The following CTC1 variants were observed in gnomAD, a reference collection of about 807,000 sequenced individuals.
CTC1 encodes CST telomere replication complex component 1.
In CTC1, 91 loss-of-function variants were observed where a neutral mutation model predicts 136.3. The ratio of observed to expected loss-of-function variants is 0.67; its 90% CI spans 0.56 to 0.79. CTC1 has a LOEUF of 0.79. Ranked by LOEUF, CTC1 falls within the 30% of genes least tolerant of loss-of-function variation. The probability of loss-of-function intolerance (pLI) is 0.00; values close to 1 mark genes in which losing one functional copy is unlikely to be tolerated. For synonymous variants in CTC1, 606 were observed against 613.8 expected (o/e 0.99, Z 0.19); for missense variants, 1,432 against 1,498.1 (o/e 0.96, Z 0.73).
chr17:8,246,635 C>T (rs1299822139), intron 1 of CTC1, among the ~76,000 whole-genome samples: 1 of 152,086 alleles, frequency 6.6e-6, no homozygotes, highest in African/African-American at 2.4e-5. Flanking sequence ...GCCTGTAATC[C>T]CAGCAGTTTC....
At chr17:8,247,882 C>T (rs1199230396) in intron 1 of CTC1, 122 bp downstream of exon 1, 11 of 966,148 alleles carry the variant, frequency 1.1e-5, no homozygotes, top group Admixed American at 4.1e-5. Flanking sequence ...CTCACAACCC[C>T]CTCACCCATG....
At chr17:8,243,652 G>A (rs995191724) in intron 1 of CTC1, among the ~76,000 whole-genome samples, 1 of 152,202 alleles carries the variant, frequency 6.6e-6, no homozygotes, top group African/African-American at 2.4e-5. Flanking sequence ...TCCAGCTTTG[G>A]TCTTGCCCCT....
chr17:8,247,987 G>T lies in CTC1; in HGVS notation c.33+17C>A, dbSNP rs1988911087. ...AAACAAGAAAAAAGGAACAAGAGAC[G>T]TAATAGCAGCACTCACGGAGGAAGG... On this transcript the variant is annotated intron_variant, in intron 1 of 22. Transcript: ENST00000651323. 6 of 1,557,846 alleles carry T rather than the reference G, an allele frequency of 3.9e-6. No individual in the cohort carries two copies. The highest frequency in any genetic ancestry group is 5.2e-6 in the Non-Finnish European group (6 of 1,142,866).
chr17:8,247,305 CTTT>C lies in CTC1; in HGVS notation c.33+696_33+698del, dbSNP rs772948223. ...TTCCGTCCTGAAACCCCTTCCGGCG[CTTT>C]TTTTTTTTTTTTTTTTTTTTTGACA... On this transcript the variant is annotated intron_variant, in intron 1 of 22. Coordinates refer to ENST00000651323, the MANE Select transcript of CTC1 (RefSeq NM_025099.6). 5.5e-3 allele frequency among the ~76,000 whole-genome samples: 497 copies of C among 91,184 alleles called. 2 individuals are homozygous for C. Among genetic ancestry groups the C allele is most frequent in the African/African-American group, 0.019 (403 of 20,950 alleles). The allele number at this position is 91,184 out of a possible 152,430, so 59.8% of individuals were successfully genotyped here. A position where few individuals can be genotyped will look rare whatever the true frequency, so the allele number is the denominator to read the frequency against.
chr17:8,241,664 C>A, intron 2 of CTC1, among the ~76,000 whole-genome samples: 1 of 150,450 alleles, frequency 6.6e-6, no homozygotes, highest in Non-Finnish European at 1.5e-5. Flanking sequence ...AATGCCAACA[C>A]CTTGGGAGGC....
In CTC1 at chr17:8,228,615, A is replaced by G. The variant is rs1262003575; in HGVS notation, c.3402T>C (p.Val1134=). The G allele has an allele frequency of 6.2e-7, 1 of 1,614,050 alleles. No individual in the cohort carries two copies. Among genetic ancestry groups the G allele is most frequent in the African/African-American group, 1.3e-5 (1 of 74,922 alleles). Residue 1134 remains valine, a synonymous_variant, in exon 22 of 23, where the codon GTT becomes GTC. Transcript: ENST00000651323. ...PGAQLESSAR[V]DEPMTMFLWT... ...AGAGGAACATGGTCATGGGCTCGTC[A>G]ACCCTGGCTGAAGACTAGAAAGAGA...
intron 2 of CTC1, 139 bp downstream of exon 2, chr17:8,242,846 G>A (rs1988385251): frequency 3.2e-5 from 19 of 598,206 alleles, no homozygotes; most frequent in Non-Finnish European, 4.5e-5. Flanking sequence ...GAAAAGCTCT[G>A]CAGAAGGGGT....
In CTC1 at chr17:8,234,568, G is replaced by A. The variant is rs1453459524; in HGVS notation, c.1705C>T (p.Pro569Ser). The change falls in exon 10 of 23, where the codon CCT (proline) becomes TCT (serine). Residue 569 changes from proline to serine, a missense_variant. Transcript: ENST00000651323. ...TCCGGGAGGGGCAGAAGGGCCTTAG[G>A]GTCAAAGGAGGCCCAGGCCTTACGC... ...GQRKAWASFD[P>S]KALLPLPEAS... is the part of the protein sequence containing the mutation. 1.3e-6 allele frequency: 2 copies of A among 1,599,120 alleles called. No individual in the cohort carries two copies. Among genetic ancestry groups the A allele is most frequent in the African/African-American group, 2.7e-5 (2 of 74,786 alleles).
chr17:8,231,966 C>T lies in CTC1; in HGVS notation c.2322G>A (p.Gln774=), dbSNP rs1339211493. Residue 774 remains glutamine (Q), a synonymous_variant, in exon 13 of 23, where the codon CAG becomes CAA. Transcript: ENST00000651323. ...GCCCCCATCCAGTACCCTCCTTCCT[C>T]TGGGTGCCCCCAAGCCAGCTCCCCA... ...YVLGSWLGGT[Q]RKEGTGWGLP... The T allele has an allele frequency of 6.2e-7, 1 of 1,612,218 alleles. No homozygotes were observed.
intron 14 of CTC1, 68 bp downstream of exon 14, chr17:8,231,658 A>G (rs1804126852): frequency 7.0e-7 from 1 of 1,438,654 alleles, no homozygotes; most frequent in Non-Finnish European, 9.8e-7. Flanking sequence ...AGGCACTGGC[A>G]TGCCCTCTTT....
Position 8,226,706 on chromosome 17 carries a change from C to T in CTC1, c.*1474G>A, listed in dbSNP as rs78517666. 9,571 of 152,238 alleles carry T rather than the reference C, an allele frequency of 0.063. 407 individuals are homozygous for T. Among genetic ancestry groups the T allele is most frequent in the Non-Finnish European group, 0.097 (6,581 of 68,002 alleles). The allele number at this position is 152,238 out of a possible 1,614,324, so 9.4% of individuals were successfully genotyped here. The stretch of plus-strand genomic sequence containing the variant: ...GCCACGACTACGAGGCTTAGGGCTT[C>T]GTTTTCATCCAATGCCTTTCTTACT... On this transcript the variant is annotated 3_prime_UTR_variant, in exon 23 of 23. Transcript: ENST00000651323.
At chr17:8,228,938 T>C in intron 20 of CTC1, 46 bp from the exon 21 acceptor site, 1 of 1,575,110 alleles carries the variant, frequency 6.3e-7, no homozygotes, top group Non-Finnish European at 8.6e-7. Flanking sequence ...CAACCCAGGT[T>C]GCCAACACCC....
In CTC1 at chr17:8,230,451, T is replaced by C. The variant is rs1987118319; in HGVS notation, c.2776A>G (p.Arg926Gly). ...WMKLGNTGAM[R>G]RCVKLTVALE... ...GCGACTGTTAGCTTCACACACCTTC[T>C]CATGGCCCCCGTGTTCCCTATAGAA... The change falls in exon 17 of 23, where the codon AGA becomes GGA. Residue 926 changes from arginine (R) to glycine (G), a missense_variant. Arg to Gly is a moderately radical substitution (Grantham distance 125). Coordinates refer to ENST00000651323, the MANE Select transcript of CTC1 (RefSeq NM_025099.6). 6.2e-7 allele frequency: 1 copy of C among 1,613,922 alleles called. No homozygotes were observed. Among genetic ancestry groups the C allele is most frequent in the Admixed American group, 1.7e-5 (1 of 59,986 alleles).
At chr17:8,242,253 G>C (rs73244879) in intron 2 of CTC1, among the ~76,000 whole-genome samples, 2 of 151,752 alleles carry the variant, frequency 1.3e-5, no homozygotes, top group Non-Finnish European at 2.9e-5. Flanking sequence ...GGCTGACCTC[G>C]AACTGCCGAC....
At chr17:8,233,155 C>T (rs765162632) in intron 10 of CTC1, 123 bp from the exon 11 acceptor site, 40 of 1,035,068 alleles carry the variant, frequency 3.9e-5, no homozygotes, top group Non-Finnish European at 5.4e-5. Context: ...ACGTCTCTGG[C>T]TTCAAAAAAC....
intron 17 of CTC1, 119 bp from the exon 18 acceptor site, chr17:8,230,087 C>T (rs1199432591): frequency 1.9e-6 from 2 of 1,054,380 alleles, no homozygotes; most frequent in Non-Finnish European, 2.9e-6. Flanking sequence ...ATATCCTAGC[C>T]ATGGCTCTAC....
At chr17:8,231,016 C>A in intron 15 of CTC1, 2 of 495,386 alleles carry the variant, frequency 4.0e-6, no homozygotes, top group Non-Finnish European at 7.1e-6. Context: ...GCGTGCACCC[C>A]TATAATCCCA....
chr17:8,246,121 G>A (rs899575669), intron 1 of CTC1, among the ~76,000 whole-genome samples: 9 of 150,310 alleles, frequency 6.0e-5, no homozygotes, highest in East Asian at 2.0e-4. Flanking sequence ...TGGGAGGATC[G>A]CTTGAGCCCA....
rs951741216 is a variant in CTC1 at position 8,226,168 on chromosome 17, T to C, written c.*2012A>G. 2 of 152,198 alleles carry C rather than the reference T, an allele frequency of 1.3e-5. No individual in the cohort carries two copies. The highest frequency in any genetic ancestry group is 2.9e-5 in the Non-Finnish European group (2 of 68,036). The allele number at this position is 152,198 out of a possible 1,614,324, so 9.4% of individuals were successfully genotyped here. On this transcript the variant is annotated 3_prime_UTR_variant, in exon 23 of 23. Transcript: ENST00000651323. ...GCAGAACAGAAACTCTTACGCGTTCTGATATAAAAACAATACATGAAAGGA... is the reference window on the plus strand; with the variant it reads ...GCAGAACAGAAACTCTTACGCGTTCCGATATAAAAACAATACATGAAAGGA...
Sources: allele counts gnomAD v4.1 joint callset (sites outside exome capture counted in the v4.1 genomes callset), GRCh38; gene constraint gnomAD v4.1.1; transcripts MANE v1.5; gene names NCBI Gene and HGNC (gene_info 2026-07-23, HGNC 2026-07-21).